ZNF335: variants seen among roughly 807,000 people sequenced by gnomAD.
ZNF335 encodes NRC-interacting factor 1.
A neutral mutation model predicts 145.6 loss-of-function variants in ZNF335; 84 were observed. The ratio of observed to expected loss-of-function variants is 0.58; its 90% CI spans 0.48 to 0.69. ZNF335 has a LOEUF of 0.69. Among genes scored for constraint, ZNF335 ranks in the 30% least tolerant of loss-of-function variants. The pLI, the probability that ZNF335 is intolerant of heterozygous loss-of-function variation, is 0.00. For synonymous variants in ZNF335, 761 were observed against 717.0 expected (o/e 1.06, Z -0.98); for missense variants, 1,865 against 1,809.7 (o/e 1.03, Z -0.55).
intron 21 of ZNF335, 33 bp downstream of exon 21, chr20:45,950,420 C>T: frequency 6.2e-7 from 1 of 1,613,734 alleles, no homozygotes; most frequent in East Asian, 2.2e-5. Flanking sequence ...CATACATGCC[C>T]AGCAGTCCCC....
At position 45,962,076 on chromosome 20, in the gene ZNF335, C is replaced by G; in HGVS notation, c.1640G>C (p.Arg547Pro). The G allele has an allele frequency of 6.2e-7, 1 of 1,613,358 alleles. No homozygotes were observed. The highest frequency in any genetic ancestry group is 8.5e-7 in the Non-Finnish European group (1 of 1,179,866). ...DVIRHAAVHS[R>P]DRKKRPDPTP... is the part of the protein sequence containing the mutation. ...CTCCCACCCCCACACTGACCGGTCCCGGCTGTGCACAGCGGCGTGCCGAAT... is the reference window on the plus strand; with the variant it reads ...CTCCCACCCCCACACTGACCGGTCCGGGCTGTGCACAGCGGCGTGCCGAAT... The change falls in exon 10 of 28, where the codon CGG becomes CCG. Residue 547 changes from arginine to proline, a missense_variant. Transcript: ENST00000322927.
rs1180510407 is a variant in ZNF335, at chr20:45,952,325, A to G, written c.3011T>C (p.Val1004Ala). ...GGCTGCAGATGGCGGTGACGGGGGCACTGCCAGGCCCAGGGCTTTGCTGGT... is the reference window on the plus strand; with the variant it reads ...GGCTGCAGATGGCGGTGACGGGGGCGCTGCCAGGCCCAGGGCTTTGCTGGT... ...PATSKALGLA[V>A]PPSPPSAATA... Residue 1004 changes from valine to alanine, a missense_variant, in exon 20 of 28, where the codon GTG (valine) becomes GCG (alanine). Physicochemically the swap from Val to Ala is moderately conservative, Grantham distance 64. Coordinates refer to ENST00000322927, the MANE Select transcript of ZNF335 (RefSeq NM_022095.4). The G allele has an allele frequency of 3.1e-6, 5 of 1,613,386 alleles. No individual in the cohort carries two copies. Among genetic ancestry groups the G allele is most frequent in the Non-Finnish European group, 4.2e-6 (5 of 1,179,946 alleles).
chr20:45,961,743 T>C (rs776092608), intron 10 of ZNF335: 12 of 239,302 alleles, frequency 5.0e-5, no homozygotes, highest in Non-Finnish European at 9.9e-5. Flanking sequence ...GAGTAGGATC[T>C]GGAGTCCAGA....
rs200346507 is a variant in ZNF335 at position 45,948,961 on chromosome 20, C to T, written c.4021G>A (p.Asp1341Asn). Reference sequence around the variant, plus strand: ...TGTTGGGCCCTCGGGGCTCAGTCATCGGCCAGGGTGATGACGTCGTACTCG... The same window carrying T: ...TGTTGGGCCCTCGGGGCTCAGTCATTGGCCAGGGTGATGACGTCGTACTCG... ...GIEYDVITLADD is the reference protein window; with the variant it reads ...GIEYDVITLAND The change falls in exon 28 of 28, where the codon GAT (aspartate) becomes AAT (asparagine). Residue 1341 changes from aspartate to asparagine, a missense_variant. By Grantham distance (23) the Asp-to-Asn change is conservative (BLOSUM62 1). Coordinates refer to ENST00000322927, the MANE Select transcript of ZNF335 (RefSeq NM_022095.4). 1.1e-5 allele frequency: 17 copies of T among 1,613,884 alleles called. No individual in the cohort carries two copies. The highest frequency in any genetic ancestry group is 1.6e-4 in the Middle Eastern group (1 of 6,062).
intron 1 of ZNF335, chr20:45,971,819 G>GCCCCCTGGGTCAGTGGTTCGCTC: frequency 2.0e-6 from 2 of 985,270 alleles, no homozygotes; most frequent in Non-Finnish European, 2.4e-6. Context: ...CAGCCCGCTG[G>GCCCCCTGGGTCAGTGGTTCGCTC]CCCCCTGGGT....
intron 24 of ZNF335, 62 bp from the exon 25 acceptor site, chr20:45,949,630 A>C: frequency 6.6e-7 from 1 of 1,525,860 alleles, no homozygotes; most frequent in Non-Finnish European, 8.9e-7. Context: ...CCAGGAGCTT[A>C]GCTAAGAAGG....
rs760341507 is a variant in ZNF335, at chr20:45,967,978, T to C, written c.570A>G (p.Leu190=). ...CATCTGCCAGGGCCTCAATGGCTGC[T>C]AGGCTGTGGGCCAAGGTGGAACTGG... ...PMSSSTLAHS[L]AAIEALADGP... is the part of the protein sequence containing the mutation. Residue 190 remains leucine (L), a synonymous_variant, in exon 5 of 28, where the codon CTA becomes CTG. Transcript: ENST00000322927. 8.7e-6 allele frequency: 14 copies of C among 1,612,750 alleles called. No individual in the cohort carries two copies. In the South Asian group the frequency reaches 1.5e-4, roughly 18 times the overall value.
In ZNF335 at chr20:45,952,296, C is replaced by T. The variant is rs2083647926; in HGVS notation, c.3040G>A (p.Ala1014Thr). Residue 1014 changes from alanine to threonine, a missense_variant, in exon 20 of 28, where the codon GCT (alanine) becomes ACT (threonine). By Grantham distance (58) the Ala-to-Thr change is moderately conservative (BLOSUM62 0). Transcript: ENST00000322927. ...VPPSPPSAATAASKKFSCKIC... is the reference protein window; with the variant it reads ...VPPSPPSAATTASKKFSCKIC... ...TTGCAGGAAAACTTCTTTGATGCAGCAGTGGCTGCAGATGGCGGTGACGGG... is the reference window on the plus strand; with the variant it reads ...TTGCAGGAAAACTTCTTTGATGCAGTAGTGGCTGCAGATGGCGGTGACGGG... 3 of 1,613,424 alleles carry T rather than the reference C, an allele frequency of 1.9e-6. No individual in the cohort carries two copies. Among genetic ancestry groups the T allele is most frequent in the Admixed American group, 1.7e-5 (1 of 59,992 alleles).
In ZNF335 at chr20:45,957,573, C is replaced by T; in HGVS notation, c.2442+13G>A. The T allele has an allele frequency of 6.2e-7, 1 of 1,612,642 alleles. No homozygotes were observed. Among genetic ancestry groups the T allele is most frequent in the Non-Finnish European group, 8.5e-7 (1 of 1,178,786 alleles). On this transcript the variant is annotated intron_variant, in intron 17 of 27. Transcript: ENST00000322927. ...GGTAGCTGGGAAGGGGAGCAGGTTC[C>T]CAGGCAGCTCACCTGCAGGGCTGTG...
chr20:45,958,023 T>A, intron 15 of ZNF335, 95 bp from the exon 16 acceptor site: 1 of 976,110 alleles, frequency 1.0e-6, no homozygotes, highest in Non-Finnish European at 1.6e-6. Context: ...GTTTTACATC[T>A]GTTGGCTTGT....
chr20:45,957,617 G>C lies in ZNF335; in HGVS notation c.2411C>G (p.Ala804Gly). 4 of 1,614,188 alleles carry C rather than the reference G, an allele frequency of 2.5e-6. No individual in the cohort carries two copies. The highest frequency in any genetic ancestry group is 3.4e-6 in the Non-Finnish European group (4 of 1,180,026). Residue 804 changes from alanine to glycine, a missense_variant, in exon 17 of 28, where the codon GCT becomes GGT. By Grantham distance (60) the Ala-to-Gly change is moderately conservative. Coordinates refer to ENST00000322927, the MANE Select transcript of ZNF335 (RefSeq NM_022095.4). ...GGCTGTGCCCCCCAGTTCCCGCTGA[G>C]CACTCATGTTCAGCAGAAGATCCAA... Reference protein sequence around the residue: ...TALDLLLNMSAQRELGGTALQ... With the variant: ...TALDLLLNMSGQRELGGTALQ...
intron 10 of ZNF335, chr20:45,961,846 C>T (rs1004999878): frequency 4.2e-6 from 2 of 481,362 alleles, no homozygotes; most frequent in Non-Finnish European, 7.5e-6. Flanking sequence ...CTAAAGCTCA[C>T]AAGAGGTAAG....
At chr20:45,957,070 G>C (rs1293859295) in intron 17 of ZNF335, among the ~76,000 whole-genome samples, 4 of 152,178 alleles carry the variant, frequency 2.6e-5, no homozygotes, top group African/African-American at 9.7e-5. Context: ...TGGAGACCAG[G>C]CCAGATGTGA....
At chr20:45,952,545 G>A (rs1240780950) in intron 19 of ZNF335, 24 bp from the exon 20 acceptor site, 4 of 1,606,082 alleles carry the variant, frequency 2.5e-6, no homozygotes, top group Middle Eastern at 1.7e-4. Context: ...GGGAGCATGA[G>A]GTACTGAGAA....
Position 45,960,459 on chromosome 20 carries a change from C to G in ZNF335, c.1849G>C (p.Ala617Pro). ...TCCAAGGGGATGTACCTGCGGTTGGCAACAGCCTGGATGTGCGTGAGCAGG... is the reference window on the plus strand; with the variant it reads ...TCCAAGGGGATGTACCTGCGGTTGGGAACAGCCTGGATGTGCGTGAGCAGG... ...MHLLTHIQAVANRRFKCEFCE... is the reference protein window; with the variant it reads ...MHLLTHIQAVPNRRFKCEFCE... The change falls in exon 13 of 28, where the codon GCC becomes CCC. Residue 617 changes from alanine to proline, a missense_variant. Ala to Pro is a conservative substitution (Grantham distance 27). Transcript: ENST00000322927. 1 of 1,614,196 alleles carries G rather than the reference C, an allele frequency of 6.2e-7. No homozygotes were observed. The highest frequency in any genetic ancestry group is 8.5e-7 in the Non-Finnish European group (1 of 1,180,032).
At position 45,963,508 on chromosome 20, in the gene ZNF335, AC is replaced by A; in HGVS notation, c.1497del (p.Gln499HisfsTer61). 6.2e-7 allele frequency: 1 copy of A among 1,614,038 alleles called. No homozygotes were observed. The highest frequency in any genetic ancestry group is 8.5e-7 in the Non-Finnish European group (1 of 1,180,006). ...GACCAGCGGCGGGAACGATAGCTGCACTGCAGGCACTTGAAGAGCTGGGGAT... is the reference window on the plus strand; with the variant it reads ...GACCAGCGGCGGGAACGATAGCTGCATGCAGGCACTTGAAGAGCTGGGGAT... Reference protein sequence around the residue: ...AGDPQLFKCLQCSYRSRRWSS... With the variant: ...AGDPQLFKCLXCSYRSRRWSS... On this transcript the variant is annotated frameshift_variant, in exon 9 of 28. Coordinates refer to ENST00000322927, the MANE Select transcript of ZNF335 (RefSeq NM_022095.4). LOFTEE classifies it high-confidence loss of function.
chr20:45,962,260 C>T, intron 9 of ZNF335, 78 bp from the exon 10 acceptor site: 4 of 1,170,414 alleles, frequency 3.4e-6, no homozygotes, highest in Non-Finnish European at 3.8e-6. Context: ...CCTGTGGCCA[C>T]AGTCTTAGGG....
intron 7 of ZNF335, 106 bp from the exon 8 acceptor site, chr20:45,964,096 G>A: frequency 1.5e-6 from 2 of 1,369,804 alleles, no homozygotes; most frequent in African/African-American, 1.5e-5. Context: ...ACTCATCACA[G>A]ACCACTGATG....
In ZNF335 at chr20:45,960,983, T is replaced by C. The variant is rs1039516726; in HGVS notation, c.1647-101A>G. On this transcript the variant is annotated intron_variant, in intron 10 of 27. Transcript: ENST00000322927. The stretch of plus-strand genomic sequence containing the variant: ...CAGCCTCAGCTATGAGCCTACTCCC[T>C]GCCAAGGCCCCTTTCTCTTAGAATA... The C allele has an allele frequency of 1.0e-5, 15 of 1,491,858 alleles. No homozygotes were observed. The African/African-American group carries it at 1.4e-4, about 14-fold the overall frequency. 92.4% of individuals were successfully genotyped at this position (1,491,858 alleles called of 1,614,324 possible). A position where few individuals can be genotyped will look rare whatever the true frequency, so the allele number is the denominator to read the frequency against.
Sources: allele counts gnomAD v4.1 joint callset (sites outside exome capture counted in the v4.1 genomes callset), GRCh38; gene constraint gnomAD v4.1.1; transcripts MANE v1.5; gene names NCBI Gene and HGNC (gene_info 2026-07-23, HGNC 2026-07-21).